Variants in OPCML observed in about 807,000 individuals in gnomAD.
OPCML encodes opioid binding protein/cell adhesion molecule like.
A neutral mutation model predicts 37.8 loss-of-function variants in OPCML; 13 were observed. The ratio of observed to expected loss-of-function variants is 0.34; its 90% CI spans 0.22 to 0.55. The LOEUF is 0.55. OPCML is among the 20% of genes least tolerant of loss of function. OPCML has a pLI of 0.91. For missense variants in OPCML, 341 were observed against 435.6 expected, an observed-to-expected ratio of 0.78 and a Z score of 1.93; for synonymous variants, 176 against 168.8, an observed-to-expected ratio of 1.04 and a Z score of -0.33.
intron 1 of OPCML, among the ~76,000 whole-genome samples, chr11:133,140,853 C>CGACGACGACGAA (rs1218469328): frequency 7.1e-5 from 2 of 28,032 alleles, no homozygotes; most frequent in African/African-American, 2.1e-4. Context: ...ACGACGACGA[C>CGACGACGACGAA]GAAGAAGACG....
chr11:132,619,967 T>C (rs557377802), intron 3 of OPCML, among the ~76,000 whole-genome samples: 1 of 152,320 alleles, frequency 6.6e-6, no homozygotes, highest in South Asian at 2.1e-4. Context: ...TAAATCTATT[T>C]AGCATGTCAC....
At chr11:133,084,274 G>A (rs879916486) in intron 1 of OPCML, among the ~76,000 whole-genome samples, 1 of 152,092 alleles carries the variant, frequency 6.6e-6, no homozygotes, top group Admixed American at 6.5e-5. Context: ...CCAGACACCT[G>A]CACAGGGCCT....
At chr11:132,789,506 AAGAC>A (rs1211971938) in intron 2 of OPCML, among the ~76,000 whole-genome samples, 2 of 152,202 alleles carry the variant, frequency 1.3e-5, no homozygotes, top group African/African-American at 2.4e-5. Flanking sequence ...AAAGATGAAA[AAGAC>A]AGAATTAGAT....
At chr11:132,834,340 T>G (rs1760837644) in intron 2 of OPCML, among the ~76,000 whole-genome samples, 1 of 152,208 alleles carries the variant, frequency 6.6e-6, no homozygotes, top group African/African-American at 2.4e-5. Context: ...CCCTCCCCAG[T>G]CCGCGAATGC....
intron 3 of OPCML, among the ~76,000 whole-genome samples, chr11:132,652,893 G>A (rs1941504112): frequency 6.6e-6 from 1 of 152,168 alleles, no homozygotes; most frequent in African/African-American, 2.4e-5. Flanking sequence ...ATCTGCTTCT[G>A]CTCATTGTAC....
At chr11:132,976,382 ATTTG>A (rs1412083769) in intron 1 of OPCML, among the ~76,000 whole-genome samples, 1 of 152,234 alleles carries the variant, frequency 6.6e-6, no homozygotes. Flanking sequence ...GAAAGAAGCT[ATTTG>A]TTTTCGCATC....
chr11:132,892,395 G>A (rs1382924199), intron 2 of OPCML, among the ~76,000 whole-genome samples: 1 of 152,162 alleles, frequency 6.6e-6, no homozygotes, highest in Admixed American at 6.5e-5. Context: ...GTAAAATATG[G>A]AAAGAAATAT....
chr11:133,253,546 G>A (rs762113293), intron 1 of OPCML, among the ~76,000 whole-genome samples: 14 of 152,146 alleles, frequency 9.2e-5, no homozygotes, highest in Non-Finnish European at 1.8e-4. Flanking sequence ...TTGATCTCAA[G>A]TGATCCACCC....
chr11:132,515,801 C>T (rs1325191298), intron 4 of OPCML, among the ~76,000 whole-genome samples: 5 of 152,142 alleles, frequency 3.3e-5, no homozygotes, highest in African/African-American at 7.2e-5. Context: ...TCTTCAACCT[C>T]GGACATGTGG....
intron 2 of OPCML, among the ~76,000 whole-genome samples, chr11:132,734,316 T>A (rs1225231970): frequency 6.6e-6 from 1 of 152,158 alleles, no homozygotes; most frequent in Non-Finnish European, 1.5e-5. Flanking sequence ...ATGTGTCAGA[T>A]GTGATGGTAT....
intron 2 of OPCML, among the ~76,000 whole-genome samples, chr11:132,816,579 G>C (rs1310884605): frequency 2.0e-5 from 3 of 152,172 alleles, no homozygotes; most frequent in Non-Finnish European, 4.4e-5. Context: ...AAGATTTCTT[G>C]TTTATAGCAG....
chr11:133,004,451 G>A (rs576295447), intron 1 of OPCML: 3 of 985,484 alleles, frequency 3.0e-6, no homozygotes, highest in South Asian at 4.7e-5. Flanking sequence ...AGCATGTGGA[G>A]GCTGAGGTGT....
At chr11:132,888,005 C>T (rs1386890213) in intron 2 of OPCML, among the ~76,000 whole-genome samples, 2 of 152,148 alleles carry the variant, frequency 1.3e-5, no homozygotes, top group African/African-American at 4.8e-5. Context: ...TGTCCTTTTC[C>T]ATTTACAGTA....
chr11:133,131,600 T>C (rs1455092349), intron 1 of OPCML, among the ~76,000 whole-genome samples: 2 of 152,208 alleles, frequency 1.3e-5, no homozygotes, highest in African/African-American at 4.8e-5. Flanking sequence ...TTGAAGACAG[T>C]GTGCAGTTTC....
intron 1 of OPCML, among the ~76,000 whole-genome samples, chr11:133,076,656 A>AC (rs958713937): frequency 1.3e-5 from 2 of 151,366 alleles, no homozygotes; most frequent in Non-Finnish European, 2.9e-5. Context: ...GAGACACCCC[A>AC]CCCCCCGCAT....
At chr11:132,452,929 C>T (rs995583212) in intron 4 of OPCML, among the ~76,000 whole-genome samples, 2 of 152,180 alleles carry the variant, frequency 1.3e-5, no homozygotes, top group Non-Finnish European at 2.9e-5. Flanking sequence ...CACCCCTCCT[C>T]CTTTCCCCTG....
At chr11:132,996,735 C>T (rs559664075) in intron 1 of OPCML, among the ~76,000 whole-genome samples, 62 of 152,166 alleles carry the variant, frequency 4.1e-4, no homozygotes, top group Non-Finnish European at 8.5e-4. Flanking sequence ...TTTTAGTGTG[C>T]CTGGCACAAA....
chr11:133,104,080 C>T (rs1949123224), intron 1 of OPCML, among the ~76,000 whole-genome samples: 1 of 152,240 alleles, frequency 6.6e-6, no homozygotes, highest in East Asian at 1.9e-4. Flanking sequence ...TCTCCCTGCT[C>T]AGTCACAGCC....
At chr11:133,293,327 A>G (rs1942534329) in intron 1 of OPCML, among the ~76,000 whole-genome samples, 1 of 152,098 alleles carries the variant, frequency 6.6e-6, no homozygotes, top group South Asian at 2.1e-4. Flanking sequence ...AGAGGAAAAA[A>G]TAGTATCTGT....
Sources: gnomAD v4.1 joint callset for allele counts (sites outside exome capture counted in the v4.1 genomes callset) on GRCh38, gnomAD v4.1.1 for gene constraint, MANE v1.5 for transcripts, NCBI Gene and HGNC (gene_info 2026-07-23, HGNC 2026-07-21) for gene names.